Variants in RNF220 observed in about 807,000 individuals in gnomAD.
The protein encoded by RNF220 is ring finger protein 220.
RNF220 carries 7 observed loss-of-function variants against 67.1 expected under a neutral mutation model. The observed-to-expected ratio is 0.10, with a 90% confidence interval of 0.06 to 0.20. RNF220 has a LOEUF of 0.20. Ranked by LOEUF, RNF220 falls within the 10% of genes least tolerant of loss-of-function variation. The pLI is 1.00. For synonymous variants in RNF220, 270 were observed against 283.2 expected (o/e 0.95, Z 0.47); for missense variants, 565 against 740.3 (o/e 0.76, Z 2.75).
chr1:44,514,720 T>A (rs1229086774), intron 2 of RNF220, among the ~76,000 whole-genome samples: 1 of 152,210 alleles, frequency 6.6e-6, no homozygotes, highest in East Asian at 1.9e-4. Context: ...GCTAACATGA[T>A]AACAAGACCC....
chr1:44,474,335 A>T (rs1280600491), intron 2 of RNF220, among the ~76,000 whole-genome samples: 1 of 151,270 alleles, frequency 6.6e-6, no homozygotes, highest in Non-Finnish European at 1.5e-5. Flanking sequence ...AGATCACGCC[A>T]TTGCATTCCA....
At chr1:44,611,108 C>T (rs185394725) in intron 2 of RNF220, among the ~76,000 whole-genome samples, 32 of 152,208 alleles carry the variant, frequency 2.1e-4, no homozygotes, top group African/African-American at 5.3e-4. Context: ...GAGAACACAG[C>T]GGGGGAGGGG....
chr1:44,570,359 G>A (rs1572910383), intron 2 of RNF220, among the ~76,000 whole-genome samples: 1 of 152,110 alleles, frequency 6.6e-6, no homozygotes, highest in East Asian at 1.9e-4. Flanking sequence ...GGGATCTTTG[G>A]TAACATTTCT....
intron 2 of RNF220, among the ~76,000 whole-genome samples, chr1:44,569,042 G>T (rs2148312766): frequency 6.6e-6 from 1 of 152,254 alleles, no homozygotes; most frequent in South Asian, 2.1e-4. Flanking sequence ...CTTCCTTCCA[G>T]CCCTTTAAAC....
intron 2 of RNF220, among the ~76,000 whole-genome samples, chr1:44,413,942 G>A (rs184977006): frequency 1.3e-5 from 2 of 152,322 alleles, no homozygotes. Context: ...TAAACCCAGC[G>A]TACCTTTTCA....
intron 2 of RNF220, among the ~76,000 whole-genome samples, chr1:44,511,030 G>A (rs1339918199): frequency 6.6e-6 from 1 of 152,218 alleles, no homozygotes; most frequent in Non-Finnish European, 1.5e-5. Context: ...ATGACGGGGA[G>A]TGATGTTTGA....
chr1:44,616,574 C>G (rs895231267), intron 3 of RNF220, among the ~76,000 whole-genome samples: 1 of 152,118 alleles, frequency 6.6e-6, no homozygotes, highest in Non-Finnish European at 1.5e-5. Context: ...TACCCATGCT[C>G]TTAATCACTC....
chr1:44,650,700 G>A lies in RNF220; in HGVS notation c.1630-4G>A, dbSNP rs749598393. 22 of 1,613,500 alleles carry A rather than the reference G, an allele frequency of 1.4e-5. No homozygotes were observed. The Admixed American group carries it at 3.3e-4, about 24-fold the overall frequency. On this transcript the variant is annotated splice_polypyrimidine_tract_variant and splice_region_variant and intron_variant, in intron 14 of 14. Coordinates refer to ENST00000361799, the MANE Select transcript of RNF220 (RefSeq NM_018150.4). The surrounding 1 kb of genome is among the most constrained non-coding windows in gnomAD (Gnocchi z 4.3). The stretch of plus-strand genomic sequence containing the variant: ...GACCAGAGCCCTCCCTGTTCTCCCT[G>A]CAGGGTGCCAAGAAGCTCTGCCCTC...
intron 2 of RNF220, among the ~76,000 whole-genome samples, chr1:44,564,499 A>G (rs1189305042): frequency 1.3e-5 from 2 of 152,156 alleles, no homozygotes; most frequent in Admixed American, 1.3e-4. Context: ...TCATGCCTGT[A>G]ATCAGCACTT....
At chr1:44,505,562 ATTAT>A (rs1269397328) in intron 2 of RNF220, among the ~76,000 whole-genome samples, 1 of 152,218 alleles carries the variant, frequency 6.6e-6, no homozygotes, top group East Asian at 1.9e-4. Flanking sequence ...CTGAGTTTGC[ATTAT>A]TTATTTAATG....
intron 2 of RNF220, among the ~76,000 whole-genome samples, chr1:44,602,787 C>A (rs542420431): frequency 6.6e-6 from 1 of 152,116 alleles, no homozygotes; most frequent in South Asian, 2.1e-4. Flanking sequence ...TGAGCAGGAA[C>A]CCCTGCACCT....
intron 1 of RNF220, among the ~76,000 whole-genome samples, chr1:44,408,071 G>C (rs1647568233): frequency 6.6e-6 from 1 of 152,348 alleles, no homozygotes; most frequent in South Asian, 2.1e-4. Flanking sequence ...ACCGAGAGCC[G>C]GAGGGAGAGG....
rs910500229 is a variant in RNF220 at position 44,645,775 on chromosome 1, T to C, written c.1445+287T>C. Among the ~76,000 whole-genome samples the C allele has an allele frequency of 6.6e-6, 1 of 152,258 alleles. No homozygotes were observed. The highest frequency in any genetic ancestry group is 1.9e-4 in the East Asian group (1 of 5,186). ...GGCGGCCTTCGCCCGGGGAATGTGA[T>C]GTATGGCCGCCCAGCCCAGCCGGCA... On this transcript the variant is annotated intron_variant, in intron 12 of 14. Coordinates refer to ENST00000361799, the MANE Select transcript of RNF220 (RefSeq NM_018150.4). This position sits in a 1 kb window ranked among gnomAD's most constrained non-coding sequence, Gnocchi z 5.0.
rs547412521 is a variant in RNF220, at chr1:44,552,821, G to A, written c.626-61344G>A. Among the ~76,000 whole-genome samples, 10 of 151,898 alleles carry A rather than the reference G, an allele frequency of 6.6e-5. No individual in the cohort carries two copies. The South Asian group carries it at 1.2e-3, about 19-fold the overall frequency. The stretch of plus-strand genomic sequence containing the variant: ...CTTGACCTCGTGATCCGCCCGCCTT[G>A]GCCTCCCAAAGTGCTGGGATTACAG... On this transcript the variant is annotated intron_variant, in intron 2 of 14. Transcript: ENST00000361799.
intron 2 of RNF220, among the ~76,000 whole-genome samples, chr1:44,563,338 G>C (rs548996091): frequency 1.2e-4 from 18 of 152,326 alleles, no homozygotes; most frequent in South Asian, 4.1e-4. Context: ...GCTTCAGGAG[G>C]TGGCTGAAGT....
chr1:44,467,334 C>G (rs1654363267), intron 2 of RNF220, among the ~76,000 whole-genome samples: 2 of 152,368 alleles, frequency 1.3e-5, no homozygotes, highest in South Asian at 4.1e-4. Context: ...GCCTCAGCCT[C>G]CCGAGTAGCT....
chr1:44,592,334 G>T (rs910456324), intron 2 of RNF220, among the ~76,000 whole-genome samples: 8 of 152,230 alleles, frequency 5.3e-5, no homozygotes, highest in Non-Finnish European at 1.0e-4. Flanking sequence ...CCATTGCGCA[G>T]CTGGTAACAG....
At chr1:44,578,144 CT>C (rs749348924) in intron 2 of RNF220, among the ~76,000 whole-genome samples, 97 of 117,144 alleles carry the variant, frequency 8.3e-4, no homozygotes, top group East Asian at 6.7e-3. Context: ...TCTTTCTTTC[CT>C]TTTTTTTTTT....
chr1:44,470,630 C>A (rs1238558311), intron 2 of RNF220, among the ~76,000 whole-genome samples: 2 of 152,020 alleles, frequency 1.3e-5, no homozygotes, highest in East Asian at 3.9e-4. Context: ...AGTTTCTTGG[C>A]CTGTTAATTT....
Sources: gnomAD v4.1 joint callset for allele counts (sites outside exome capture counted in the v4.1 genomes callset) on GRCh38, gnomAD v4.1.1 for gene constraint, Gnocchi (gnomAD v3.1) non-coding constraint, MANE v1.5 for transcripts, NCBI Gene and HGNC (gene_info 2026-07-23, HGNC 2026-07-21) for gene names.